ARHGAP15: variants seen among roughly 807,000 people sequenced by gnomAD.
ARHGAP15 encodes the protein rho GTPase-activating protein 15.
A neutral mutation model predicts 63.7 loss-of-function variants in ARHGAP15; 51 were observed. The ratio of observed to expected loss-of-function variants is 0.80; its 90% CI spans 0.64 to 1.01. The LOEUF is 1.01. Ranked by LOEUF, ARHGAP15 falls within the 50% of genes least tolerant of loss-of-function variation. ARHGAP15 has a pLI of 0.00. For synonymous variants in ARHGAP15, 191 were observed against 193.8 expected, an observed-to-expected ratio of 0.99 and a Z score of 0.12; for missense variants, 560 against 564.6, an observed-to-expected ratio of 0.99 and a Z score of 0.08.
At chr2:143,595,448 T>C (rs1175898937) in intron 11 of ARHGAP15, among the ~76,000 whole-genome samples, 1 of 152,110 alleles carries the variant, frequency 6.6e-6, no homozygotes, top group East Asian at 1.9e-4. Flanking sequence ...GTCCTTCTAT[T>C]TTACGTAATG....
At chr2:143,295,513 G>A (rs1195800463) in intron 6 of ARHGAP15, 1 of 152,036 alleles carries the variant, frequency 6.6e-6, no homozygotes, top group East Asian at 1.9e-4. Flanking sequence ...AGAAAAGGCT[G>A]TAATCACCAC....
chr2:143,158,706 C>T lies in ARHGAP15; in HGVS notation c.165+3051C>T, dbSNP rs113884490. Among the ~76,000 whole-genome samples, 1,447 of 151,934 alleles carry T rather than the reference C, an allele frequency of 9.5e-3. 22 individuals are homozygous for T. Among genetic ancestry groups the T allele is most frequent in the African/African-American group, 0.033 (1,355 of 41,464 alleles). ...GTGGGGAAAGAACAGTCTTTGGTCT[C>T]AGTGATTTGTTGTCCCGTCCTGAGC... On this transcript the variant is annotated intron_variant, in intron 2 of 13. Coordinates refer to ENST00000295095, the MANE Select transcript of ARHGAP15 (RefSeq NM_018460.4).
At chr2:143,761,728 T>C (rs1241896882) in intron 13 of ARHGAP15, among the ~76,000 whole-genome samples, 1 of 152,142 alleles carries the variant, frequency 6.6e-6, no homozygotes, top group Non-Finnish European at 1.5e-5. Context: ...TTTGAGAGGA[T>C]TTCTTTTCCG....
At chr2:143,403,197 T>G (rs1688061474) in intron 6 of ARHGAP15, among the ~76,000 whole-genome samples, 1 of 151,908 alleles carries the variant, frequency 6.6e-6, no homozygotes. Context: ...TTGTAATTAT[T>G]TTTTATTTTT....
intron 11 of ARHGAP15, among the ~76,000 whole-genome samples, chr2:143,571,618 T>G (rs1696458212): frequency 6.6e-6 from 1 of 152,212 alleles, no homozygotes; most frequent in African/African-American, 2.4e-5. Flanking sequence ...GCAGCAGGTA[T>G]TGGTGGCATC....
chr2:143,157,659 GATACTGT>G (rs1690134607), intron 2 of ARHGAP15, among the ~76,000 whole-genome samples: 1 of 151,358 alleles, frequency 6.6e-6, no homozygotes, highest in Non-Finnish European at 1.5e-5. Context: ...TTGGCTCAGA[GATACTGT>G]ATTGAAAGCT....
chr2:143,673,585 A>G (rs1574819725), intron 12 of ARHGAP15, among the ~76,000 whole-genome samples: 1 of 151,520 alleles, frequency 6.6e-6, no homozygotes, highest in Admixed American at 6.6e-5. Context: ...GGTGTGAGCC[A>G]CCACACCCGG....
intron 4 of ARHGAP15, 90 bp downstream of exon 4, chr2:143,216,535 C>G: frequency 2.2e-6 from 2 of 889,272 alleles, no homozygotes; most frequent in South Asian, 1.6e-5. Flanking sequence ...GGATGCAAGT[C>G]CCTATGGTAC....
At chr2:143,388,133 A>C (rs1161116786) in intron 6 of ARHGAP15, among the ~76,000 whole-genome samples, 1 of 152,202 alleles carries the variant, frequency 6.6e-6, no homozygotes, top group Non-Finnish European at 1.5e-5. Context: ...TGAGGTACTT[A>C]AAAAGAAAAC....
At chr2:143,350,815 G>A (rs1388435841) in intron 6 of ARHGAP15, 4 of 112,628 alleles carry the variant, frequency 3.6e-5, no homozygotes, top group African/African-American at 1.0e-4. Context: ...CTCCAGTCTC[G>A]ATGACAGAGC....
At chr2:143,607,209 G>A (rs964450966) in intron 11 of ARHGAP15, among the ~76,000 whole-genome samples, 1 of 152,146 alleles carries the variant, frequency 6.6e-6, no homozygotes, top group Non-Finnish European at 1.5e-5. Flanking sequence ...TGATGTTTCA[G>A]GTGGGGCAGA....
intron 12 of ARHGAP15, among the ~76,000 whole-genome samples, chr2:143,667,267 G>A (rs1360449226): frequency 4.0e-5 from 6 of 150,286 alleles, no homozygotes; most frequent in African/African-American, 1.5e-4. Context: ...CATGTGGTTT[G>A]TAGGGACATG....
rs373296096 is a variant in ARHGAP15 at position 143,263,907 on chromosome 2, C to CTTTTT, written c.474+13339_474+13343dup. On this transcript the variant is annotated intron_variant, in intron 6 of 13. Transcript: ENST00000295095. Reference sequence around the variant, plus strand: ...GGTGGGTCTACGGTGAAGCTGCAGTCTTTTTTTTTTTTTTTTTTTTTTTTT... The same window carrying CTTTTT: ...GGTGGGTCTACGGTGAAGCTGCAGTCTTTTTTTTTTTTTTTTTTTTTTTTTTTTTT... Among the ~76,000 whole-genome samples the CTTTTT allele has an allele frequency of 3.9e-4, 15 of 38,454 alleles. 5 individuals are homozygous for CTTTTT. The highest frequency in any genetic ancestry group is 8.1e-4 in the African/African-American group (13 of 16,008). The allele number at this position is 38,454 out of a possible 152,430, so 25.2% of individuals were successfully genotyped here.
chr2:143,548,024 G>A (rs1429723682), intron 10 of ARHGAP15, among the ~76,000 whole-genome samples: 1 of 151,888 alleles, frequency 6.6e-6, no homozygotes, highest in Non-Finnish European at 1.5e-5. Flanking sequence ...TAACATTCAG[G>A]GTATTTAGTT....
chr2:143,658,303 T>C (rs991857683), intron 12 of ARHGAP15, among the ~76,000 whole-genome samples: 1 of 152,220 alleles, frequency 6.6e-6, no homozygotes, highest in Non-Finnish European at 1.5e-5. Context: ...AAGACATGTA[T>C]AGGCAGTAAT....
intron 12 of ARHGAP15, among the ~76,000 whole-genome samples, chr2:143,635,654 T>G (rs901317242): frequency 5.9e-5 from 9 of 152,110 alleles, no homozygotes; most frequent in African/African-American, 2.2e-4. Context: ...CAGTGGAATA[T>G]CCACACTGAG....
chr2:143,448,965 A>T (rs900947867), intron 8 of ARHGAP15, among the ~76,000 whole-genome samples: 1 of 152,048 alleles, frequency 6.6e-6, no homozygotes, highest in African/African-American at 2.4e-5. Flanking sequence ...CATATAAAAG[A>T]GCTATCTTGT....
chr2:143,433,179 A>G (rs1378588366), intron 6 of ARHGAP15, among the ~76,000 whole-genome samples: 1 of 152,082 alleles, frequency 6.6e-6, no homozygotes, highest in Non-Finnish European at 1.5e-5. Context: ...CTAAAGAGGT[A>G]AAATAAAAAA....
chr2:143,312,628 G>T (rs935885823), intron 6 of ARHGAP15, among the ~76,000 whole-genome samples: 5 of 152,124 alleles, frequency 3.3e-5, no homozygotes, highest in Admixed American at 2.0e-4. Flanking sequence ...ATTTGGCAGT[G>T]AATTCATATT....
Sources: gnomAD v4.1 joint callset for allele counts (sites outside exome capture counted in the v4.1 genomes callset) on GRCh38, gnomAD v4.1.1 for gene constraint, MANE v1.5 for transcripts, NCBI Gene and HGNC (gene_info 2026-07-23, HGNC 2026-07-21) for gene names.